The following DNAH10 variants were observed in gnomAD, a reference collection of about 807,000 sequenced individuals.
DNAH10 encodes the protein axonemal beta dynein heavy chain 10.
A neutral mutation model predicts 506.6 loss-of-function variants in DNAH10; 348 were observed. That is an observed-to-expected ratio of 0.69 (90% CI 0.63 to 0.75). DNAH10 has a LOEUF of 0.75. DNAH10 is among the 30% of genes least tolerant of loss of function. The pLI, the probability that DNAH10 is intolerant of heterozygous loss-of-function variation, is 0.00. For synonymous variants in DNAH10, 2,059 were observed against 2,198.6 expected (o/e 0.94, Z 1.78); for missense variants, 5,179 against 5,787.1 (o/e 0.89, Z 3.41).
intron 57 of DNAH10, chr12:123,908,556 G>A (rs749204235): frequency 1.5e-5 from 7 of 456,110 alleles, no homozygotes; most frequent in Middle Eastern, 3.3e-4. Flanking sequence ...GGGATGCCCC[G>A]GTGAGATGGG....
chr12:123,826,160 A>C (rs1400371971), intron 24 of DNAH10, among the ~76,000 whole-genome samples: 1 of 152,186 alleles, frequency 6.6e-6, no homozygotes, highest in Non-Finnish European at 1.5e-5. Flanking sequence ...ATTAAATCTC[A>C]GGAAAATATA....
chr12:123,769,464 A>G (rs1010975456), intron 2 of DNAH10, among the ~76,000 whole-genome samples: 1 of 152,182 alleles, frequency 6.6e-6, no homozygotes, highest in Non-Finnish European at 1.5e-5. Context: ...GGCGTGAGCC[A>G]CCACGCCCGG....
chr12:123,835,742 AGCCTCCC>A (rs1961070074), intron 28 of DNAH10, among the ~76,000 whole-genome samples: 1 of 152,158 alleles, frequency 6.6e-6, no homozygotes, highest in Non-Finnish European at 1.5e-5. Context: ...CTCCTAACTC[AGCCTCCC>A]AAGCAGCTGG....
rs902107069 is a variant in DNAH10 at position 123,923,602 on chromosome 12, G to A, written c.11507-161G>A. The A allele has an allele frequency of 4.1e-5, 23 of 561,354 alleles. No individual in the cohort carries two copies. The African/African-American group carries it at 4.3e-4, about 10-fold the overall frequency. 34.8% of individuals were successfully genotyped at this position (561,354 alleles called of 1,614,324 possible). On this transcript the variant is annotated intron_variant, in intron 65 of 78. Transcript: ENST00000673944. ...CCTAGGAACTGAGCTCATCTCTCTT[G>A]AACTTAGATATTCATGGACATTAGG...
chr12:123,844,512 T>G (rs190729647), intron 30 of DNAH10, among the ~76,000 whole-genome samples: 2 of 152,122 alleles, frequency 1.3e-5, no homozygotes. Flanking sequence ...CTCAGCAGGA[T>G]CTGTACATTA....
At chr12:123,915,614 C>T (rs1265246223) in intron 62 of DNAH10, among the ~76,000 whole-genome samples, 1 of 152,184 alleles carries the variant, frequency 6.6e-6, no homozygotes, top group Non-Finnish European at 1.5e-5. Context: ...TAGGAATGGA[C>T]TCAGACGCTG....
At chr12:123,858,894 G>A (rs7314335) in intron 37 of DNAH10, among the ~76,000 whole-genome samples, 67,554 of 151,882 alleles carry the variant, frequency 0.44, 15,480 homozygotes, top group African/African-American at 0.55. Flanking sequence ...GTAGAGACAG[G>A]AAGTAGATGA....
chr12:123,850,804 C>A lies in DNAH10; in HGVS notation c.6103-84C>A. 7.2e-7 allele frequency: 1 copy of A among 1,384,400 alleles called. No individual in the cohort carries two copies. The highest frequency in any genetic ancestry group is 9.8e-7 in the Non-Finnish European group (1 of 1,022,010). 85.8% of individuals were successfully genotyped at this position (1,384,400 alleles called of 1,614,324 possible). A position where few individuals can be genotyped will look rare whatever the true frequency, so the allele number is the denominator to read the frequency against. The stretch of plus-strand genomic sequence containing the variant: ...CATACCATGAAAATGAATCGCCACG[C>A]AGCTCGCCGCAGGCCCCCTTTCCAA... On this transcript the variant is annotated intron_variant, in intron 34 of 78. Transcript: ENST00000673944. This position sits in a 1 kb window ranked among gnomAD's most constrained non-coding sequence, Gnocchi z 5.5.
At chr12:123,770,116 C>T (rs1052505016) in intron 2 of DNAH10, among the ~76,000 whole-genome samples, 12 of 151,724 alleles carry the variant, frequency 7.9e-5, no homozygotes, top group African/African-American at 2.9e-4. Flanking sequence ...GGCATGGTGG[C>T]ATGTACCTGT....
At chr12:123,901,060 G>T (rs1326465676) in intron 56 of DNAH10, among the ~76,000 whole-genome samples, 1 of 152,192 alleles carries the variant, frequency 6.6e-6, no homozygotes, top group Non-Finnish European at 1.5e-5. Context: ...TCTCCTGAGG[G>T]TGGCTCTTCA....
rs747272370 is a variant in DNAH10, at chr12:123,848,133, G to A, written c.5949+38G>A. 5.7e-6 allele frequency: 9 copies of A among 1,591,566 alleles called. No individual in the cohort carries two copies. The African/African-American group carries it at 1.1e-4, about 19-fold the overall frequency. Reference sequence around the variant, plus strand: ...TGTCACCTTTGGTACTGGCTCATTAGGCAGAGAGCTTAAAGCAGGACATGG... The same window carrying A: ...TGTCACCTTTGGTACTGGCTCATTAAGCAGAGAGCTTAAAGCAGGACATGG... On this transcript the variant is annotated intron_variant, in intron 33 of 78. Coordinates refer to ENST00000673944, the MANE Select transcript of DNAH10 (RefSeq NM_001372106.1).
At chr12:123,779,407 G>GACCA (rs1957559488) in intron 5 of DNAH10, among the ~76,000 whole-genome samples, 1 of 152,096 alleles carries the variant, frequency 6.6e-6, no homozygotes, top group Admixed American at 6.6e-5. Context: ...GATGATAGGG[G>GACCA]ACCACTGTAC....
chr12:123,873,788 A>C (rs1594254493), intron 46 of DNAH10, 78 bp downstream of exon 46: 1 of 1,473,264 alleles, frequency 6.8e-7, no homozygotes, highest in East Asian at 2.5e-5. Context: ...GTGTGTTAGA[A>C]GTGAGTATGA....
At position 123,848,717 on chromosome 12, in the gene DNAH10, T is replaced by G. The variant is rs1951049433; in HGVS notation, c.5950-13T>G. The G allele has an allele frequency of 6.2e-7, 1 of 1,613,716 alleles. No individual in the cohort carries two copies. The highest frequency in any genetic ancestry group is 8.5e-7 in the Non-Finnish European group (1 of 1,179,764). Reference sequence around the variant, plus strand: ...TGAAAATTGCCCTTGTCCTGACATGTCTTTCTTCCTAGGCCGTGGGGAAGA... The same window carrying G: ...TGAAAATTGCCCTTGTCCTGACATGGCTTTCTTCCTAGGCCGTGGGGAAGA... On this transcript the variant is annotated splice_polypyrimidine_tract_variant and intron_variant, in intron 33 of 78. Transcript: ENST00000673944.
Position 123,928,399 on chromosome 12 carries a change from C to G in DNAH10, c.12118C>G (p.Leu4040Val). ...GQGQEKVALQ[L>V]LETAVARGQW... ...TCCCCCGGCGCAGGTGGCCCTGCAG[C>G]TGCTGGAGACGGCGGTGGCTCGGGG... Residue 4040 changes from leucine to valine, a missense_variant, in exon 70 of 79, where the codon CTG (leucine) becomes GTG (valine). By Grantham distance (32) the Leu-to-Val change is conservative (BLOSUM62 1). Transcript: ENST00000673944. This position sits in a 1 kb window ranked among gnomAD's most constrained non-coding sequence, Gnocchi z 4.9. The G allele has an allele frequency of 6.2e-7, 1 of 1,601,076 alleles. No homozygotes were observed. The highest frequency in any genetic ancestry group is 1.1e-5 in the South Asian group (1 of 88,594).
chr12:123,830,205 CA>C (rs1200239858), intron 25 of DNAH10, among the ~76,000 whole-genome samples: 1 of 152,076 alleles, frequency 6.6e-6, no homozygotes, highest in East Asian at 1.9e-4. Context: ...ATGAGGCTCT[CA>C]AAAAGGCTGA....
chr12:123,865,068 C>T (rs1471955214), intron 40 of DNAH10, among the ~76,000 whole-genome samples: 1 of 152,160 alleles, frequency 6.6e-6, no homozygotes, highest in African/African-American at 2.4e-5. Flanking sequence ...ATACCACTAA[C>T]GTCAGAATAG....
intron 52 of DNAH10, among the ~76,000 whole-genome samples, chr12:123,888,418 C>A (rs888562213): frequency 2.6e-5 from 4 of 152,094 alleles, no homozygotes; most frequent in African/African-American, 9.7e-5. Flanking sequence ...AATTAAAGAT[C>A]TTGAAGTGCC....
intron 29 of DNAH10, among the ~76,000 whole-genome samples, chr12:123,839,737 A>G (rs1950701162): frequency 7.1e-6 from 1 of 140,994 alleles, no homozygotes; most frequent in South Asian, 2.2e-4. Flanking sequence ...ATCTCCACTC[A>G]CTGCAAGCTC....
Sources: gnomAD v4.1 joint callset for allele counts (sites outside exome capture counted in the v4.1 genomes callset) on GRCh38, gnomAD v4.1.1 for gene constraint, Gnocchi (gnomAD v3.1) non-coding constraint, MANE v1.5 for transcripts, NCBI Gene and HGNC (gene_info 2026-07-23, HGNC 2026-07-21) for gene names.